The following NPHP4 variants were observed in gnomAD, a reference collection of about 807,000 sequenced individuals.
The protein encoded by NPHP4 is nephrocystin 4.
A neutral mutation model predicts 155.8 loss-of-function variants in NPHP4; 151 were observed. That is an observed-to-expected ratio of 0.97 (90% CI 0.85 to 1.11). The LOEUF (loss-of-function observed/expected upper bound fraction) is 1.11. Ranked by LOEUF, NPHP4 falls within the 50% of genes least tolerant of loss-of-function variation. The pLI is 0.00. For synonymous variants in NPHP4, 845 were observed against 816.8 expected (o/e 1.03, Z -0.59); for missense variants, 1,956 against 1,925.7 (o/e 1.02, Z -0.29).
At chr1:5,977,837 G>A (rs1168698824) in intron 3 of NPHP4, among the ~76,000 whole-genome samples, 3 of 8,028 alleles carry the variant, frequency 3.7e-4, no homozygotes, top group African/African-American at 8.9e-4. Flanking sequence ...TGTCTATACA[G>A]GAGGGAGGGA....
At chr1:5,932,880 T>G (rs1646348630) in intron 10 of NPHP4, among the ~76,000 whole-genome samples, 1 of 152,208 alleles carries the variant, frequency 6.6e-6, no homozygotes, top group South Asian at 2.1e-4. Context: ...AGGTGAATCT[T>G]GCTGCAAAGT....
At chr1:5,925,317 G>C (rs1436695399) in intron 11 of NPHP4, among the ~76,000 whole-genome samples, 1 of 152,150 alleles carries the variant, frequency 6.6e-6, no homozygotes, top group Non-Finnish European at 1.5e-5. Context: ...GTAGCCTAAA[G>C]ATGATTTAAA....
intron 10 of NPHP4, among the ~76,000 whole-genome samples, chr1:5,930,642 T>C (rs1037468820): frequency 1.3e-5 from 2 of 152,372 alleles, no homozygotes; most frequent in Middle Eastern, 3.4e-3. Context: ...ATACATCCTG[T>C]ATAATCTCAA....
intron 16 of NPHP4, among the ~76,000 whole-genome samples, chr1:5,900,789 G>A (rs1338427320): frequency 2.0e-5 from 3 of 152,046 alleles, no homozygotes; most frequent in Admixed American, 6.5e-5. Flanking sequence ...TCAGCACTTT[G>A]GGAGGCTGAG....
At chr1:5,926,840 T>C (rs533067829) in intron 11 of NPHP4, among the ~76,000 whole-genome samples, 27 of 152,308 alleles carry the variant, frequency 1.8e-4, no homozygotes, top group Middle Eastern at 3.4e-3. Context: ...GCTTGCACGT[T>C]TGCTCATTCC....
At chr1:5,988,569 C>T (rs1441845352) in intron 1 of NPHP4, among the ~76,000 whole-genome samples, 2 of 152,164 alleles carry the variant, frequency 1.3e-5, no homozygotes, top group Non-Finnish European at 2.9e-5. Flanking sequence ...TGGCAGTAAA[C>T]ATTGGTAGAT....
At chr1:5,915,104 G>A (rs946752918) in intron 11 of NPHP4, among the ~76,000 whole-genome samples, 1 of 152,226 alleles carries the variant, frequency 6.6e-6, no homozygotes, top group African/African-American at 2.4e-5. Context: ...CAGCAATTCC[G>A]TGGGAGAGAG....
intron 6 of NPHP4, among the ~76,000 whole-genome samples, chr1:5,953,180 C>G (rs6691541): frequency 0.053 from 8,026 of 152,208 alleles, 688 homozygotes; most frequent in African/African-American, 0.18. Flanking sequence ...GATCTCAGCT[C>G]ACTGCAACCT....
At chr1:5,987,869 TC>T (rs1280806846) in intron 1 of NPHP4, among the ~76,000 whole-genome samples, 3 of 152,096 alleles carry the variant, frequency 2.0e-5, no homozygotes, top group African/African-American at 7.2e-5. Context: ...GCATGTCACT[TC>T]CGGGAAAACA....
Position 5,863,912 on chromosome 1 carries a change from C to G in NPHP4, c.4118G>C (p.Arg1373Pro). 1.2e-6 allele frequency: 2 copies of G among 1,613,928 alleles called. No homozygotes were observed. Among genetic ancestry groups the G allele is most frequent in the Non-Finnish European group, 1.7e-6 (2 of 1,179,880 alleles). The change falls in exon 29 of 30, where the codon CGG (arginine) becomes CCG (proline). Residue 1373 changes from arginine to proline, a missense_variant. Coordinates refer to ENST00000378156, the MANE Select transcript of NPHP4 (RefSeq NM_015102.5). Reference sequence around the variant, plus strand: ...CACCTGGAAGGAGTCCTCTCTGAACCGCAGCAGCTCCGGGTGGTCGCTGTG... The same window carrying G: ...CACCTGGAAGGAGTCCTCTCTGAACGGCAGCAGCTCCGGGTGGTCGCTGTG... ...HLHSDHPELL[R>P]FREDSFQVGG...
chr1:5,901,688 C>T (rs1191426229), intron 16 of NPHP4, among the ~76,000 whole-genome samples: 5 of 152,174 alleles, frequency 3.3e-5, no homozygotes, highest in Non-Finnish European at 4.4e-5. Context: ...CATTTAACTT[C>T]GTTGCAGAGC....
At chr1:5,941,003 A>G (rs1029693712) in intron 9 of NPHP4, among the ~76,000 whole-genome samples, 8 of 152,188 alleles carry the variant, frequency 5.3e-5, no homozygotes, top group Non-Finnish European at 1.0e-4. Flanking sequence ...AAGCAAGGAA[A>G]AGAAGAACCA....
In NPHP4 at chr1:5,890,105, C is replaced by T. The variant is rs1416955758; in HGVS notation, c.2304+763G>A. On this transcript the variant is annotated intron_variant, in intron 17 of 29. Transcript: ENST00000378156. The surrounding 1 kb of genome is among the most constrained non-coding windows in gnomAD (Gnocchi z 4.9). ...AGCTGCTGGAGAGGACAGGAAGCCCCGGGGGTTCAGCCGTGTCAGGAATCC... is the reference window on the plus strand; with the variant it reads ...AGCTGCTGGAGAGGACAGGAAGCCCTGGGGGTTCAGCCGTGTCAGGAATCC... Among the ~76,000 whole-genome samples the T allele has an allele frequency of 1.3e-5, 2 of 152,082 alleles. No homozygotes were observed. The highest frequency in any genetic ancestry group is 4.8e-5 in the African/African-American group (2 of 41,406).
chr1:5,899,192 C>T (rs1329934720), intron 16 of NPHP4, among the ~76,000 whole-genome samples: 1 of 152,190 alleles, frequency 6.6e-6, no homozygotes, highest in Non-Finnish European at 1.5e-5. Context: ...ATATCTCTAA[C>T]ACAACGGCCG....
At chr1:5,915,275 CCCAAAAGG>C (rs979286970) in intron 11 of NPHP4, among the ~76,000 whole-genome samples, 18 of 151,844 alleles carry the variant, frequency 1.2e-4, no homozygotes, top group Admixed American at 1.3e-4. Flanking sequence ...AACAGATGGC[CCCAAAAGG>C]CAGGGGAAAG....
chr1:5,872,924 G>A (rs1642154363), intron 23 of NPHP4, among the ~76,000 whole-genome samples: 1 of 152,192 alleles, frequency 6.6e-6, no homozygotes, highest in African/African-American at 2.4e-5. Flanking sequence ...ACACACCAGG[G>A]AATGCTCTGC....
chr1:5,969,026 CAA>C (rs34702999), intron 4 of NPHP4, 59 bp downstream of exon 4: 92,391 of 913,390 alleles, frequency 0.1, 11 homozygotes, highest in East Asian at 0.14. Flanking sequence ...GAATCTGTCT[CAA>C]AAAAAAAAAA....
At chr1:5,951,247 C>T (rs926021293) in intron 7 of NPHP4, among the ~76,000 whole-genome samples, 3 of 152,190 alleles carry the variant, frequency 2.0e-5, no homozygotes, top group African/African-American at 7.2e-5. Flanking sequence ...TTCCTCGTGT[C>T]GCGCAGTCAC....
rs1652119565 is a variant in NPHP4 at position 5,969,274 on chromosome 1, C to T, written c.280-15G>A. ...AAATACAAGGGCTGCAGAACAGAAG[C>T]CAGAGGATGGTCTGAGTGTTCAGGA... On this transcript the variant is annotated splice_polypyrimidine_tract_variant and intron_variant, in intron 3 of 29. Coordinates refer to ENST00000378156, the MANE Select transcript of NPHP4 (RefSeq NM_015102.5). The T allele has an allele frequency of 1.3e-6, 2 of 1,519,994 alleles. No individual in the cohort carries two copies. Among genetic ancestry groups the T allele is most frequent in the Non-Finnish European group, 1.8e-6 (2 of 1,122,930 alleles). 94.2% of individuals were successfully genotyped at this position (1,519,994 alleles called of 1,614,324 possible). A position where few individuals can be genotyped will look rare whatever the true frequency, so the allele number is the denominator to read the frequency against.
Sources: allele counts gnomAD v4.1 joint callset (sites outside exome capture counted in the v4.1 genomes callset), GRCh38; gene constraint gnomAD v4.1.1; non-coding constraint Gnocchi (gnomAD v3.1); transcripts MANE v1.5; gene names NCBI Gene and HGNC (gene_info 2026-07-23, HGNC 2026-07-21).